Variants in KCNMA1 observed in about 807,000 individuals in gnomAD.
KCNMA1 encodes Calcium-activated potassium channel subunit alpha-1.
In KCNMA1, 29 loss-of-function variants were observed where a neutral mutation model predicts 140.0. That is an observed-to-expected ratio of 0.21 (90% CI 0.15 to 0.28). KCNMA1 has a LOEUF of 0.28. Ranked by LOEUF, KCNMA1 falls within the 10% of genes least tolerant of loss-of-function variation. The probability of loss-of-function intolerance (pLI) is 1.00; values close to 1 mark genes in which losing one functional copy is unlikely to be tolerated. For synonymous variants in KCNMA1, 612 were observed against 611.9 expected, an observed-to-expected ratio of 1.00 and a Z score of 0.00; for missense variants, 880 against 1,602.2, an observed-to-expected ratio of 0.55 and a Z score of 7.70.
chr10:76,913,674 T>C, intron 24 of KCNMA1: 1 of 183,286 alleles, frequency 5.5e-6, no homozygotes, highest in South Asian at 1.7e-4. Context: ...CTAAGAGCTG[T>C]GAAGACATGT....
At chr10:76,906,839 C>T (rs924543627) in intron 25 of KCNMA1, among the ~76,000 whole-genome samples, 10 of 152,104 alleles carry the variant, frequency 6.6e-5, no homozygotes, top group Admixed American at 6.5e-4. Flanking sequence ...AACATTTTAC[C>T]AAAACGTCTG....
chr10:77,572,757 A>G (rs1037130052), intron 1 of KCNMA1, among the ~76,000 whole-genome samples: 2 of 141,930 alleles, frequency 1.4e-5, no homozygotes, highest in Non-Finnish European at 3.1e-5. Context: ...TCTTGTCTCA[A>G]AAAAAAAAAA....
rs539069166 is a variant in KCNMA1 at position 77,118,680 on chromosome 10, T to C, written c.884+2293A>G. Among the ~76,000 whole-genome samples the C allele has an allele frequency of 3.3e-5, 5 of 152,222 alleles. No individual in the cohort carries two copies. In the East Asian group the frequency reaches 5.8e-4, roughly 18 times the overall value. ...CTACAAGGCTTACCTAAAAGTAACC[T>C]TCTCCTCGAAAAGATCCTTGACTGC... is the stretch of plus-strand genomic sequence containing the variant. On this transcript the variant is annotated intron_variant, in intron 6 of 27. Transcript: ENST00000286628.
intron 23 of KCNMA1, among the ~76,000 whole-genome samples, chr10:76,919,656 C>T (rs1488566855): frequency 6.6e-6 from 1 of 152,120 alleles, no homozygotes; most frequent in East Asian, 1.9e-4. Flanking sequence ...GGCACCTCCA[C>T]CTATAAGCCA....
At chr10:76,934,373 C>T (rs1481315046) in intron 23 of KCNMA1, among the ~76,000 whole-genome samples, 1 of 152,128 alleles carries the variant, frequency 6.6e-6, no homozygotes. Flanking sequence ...TGAGCTATTG[C>T]CTATAGAGAA....
At chr10:77,316,852 A>G (rs1408556622) in intron 2 of KCNMA1, among the ~76,000 whole-genome samples, 1 of 152,196 alleles carries the variant, frequency 6.6e-6, no homozygotes, top group East Asian at 1.9e-4. Context: ...AGTTAACCAC[A>G]TAAAGGAAAG....
At chr10:77,099,450 C>G (rs1040248943) in intron 9 of KCNMA1, among the ~76,000 whole-genome samples, 21 of 152,204 alleles carry the variant, frequency 1.4e-4, no homozygotes, top group Non-Finnish European at 2.9e-5. Context: ...ATCTGTTAGT[C>G]ACACAGGGAC....
chr10:77,008,754 TA>T (rs1414813284), intron 18 of KCNMA1, among the ~76,000 whole-genome samples: 1 of 152,186 alleles, frequency 6.6e-6, no homozygotes, highest in African/African-American at 2.4e-5. Context: ...GGTGAATTAT[TA>T]ATACCTGGAC....
chr10:77,086,687 C>T, intron 10 of KCNMA1, 94 bp from the exon 11 acceptor site: 1 of 861,146 alleles, frequency 1.2e-6, no homozygotes, highest in Non-Finnish European at 1.9e-6. Context: ...ACAGGGAGCC[C>T]TGGGGAGAGG....
intron 1 of KCNMA1, among the ~76,000 whole-genome samples, chr10:77,545,975 C>T (rs554213363): frequency 1.3e-5 from 2 of 152,282 alleles, no homozygotes; most frequent in East Asian, 1.9e-4. Context: ...GGCACAGGCA[C>T]GGCTCTTCAC....
intron 2 of KCNMA1, among the ~76,000 whole-genome samples, chr10:77,268,151 C>T (rs1275610758): frequency 1.3e-5 from 2 of 152,318 alleles, no homozygotes; most frequent in African/African-American, 4.8e-5. Flanking sequence ...TACATCCTGA[C>T]ACACTGGCTG....
At chr10:76,986,492 T>C (rs1028504299) in intron 19 of KCNMA1, among the ~76,000 whole-genome samples, 1 of 152,212 alleles carries the variant, frequency 6.6e-6, no homozygotes, top group East Asian at 1.9e-4. Context: ...CTCAGCTGGC[T>C]ACCACTCACT....
chr10:77,083,144 G>A, intron 12 of KCNMA1, among the ~76,000 whole-genome samples: 1 of 152,112 alleles, frequency 6.6e-6, no homozygotes, highest in Admixed American at 6.5e-5. Flanking sequence ...AAAGTTCCTG[G>A]GAATGCAGTG....
intron 5 of KCNMA1, among the ~76,000 whole-genome samples, chr10:77,127,946 C>T (rs921357311): frequency 2.0e-5 from 3 of 151,896 alleles, no homozygotes; most frequent in African/African-American, 7.3e-5. Context: ...TGCACTCCAG[C>T]CTGGGCTACA....
intron 1 of KCNMA1, among the ~76,000 whole-genome samples, chr10:77,445,526 C>G (rs1158769428): frequency 2.0e-5 from 3 of 152,080 alleles, no homozygotes; most frequent in Non-Finnish European, 4.4e-5. Context: ...CTAATTAACC[C>G]TACCTTTGAA....
chr10:77,414,904 A>G (rs2096706266), intron 1 of KCNMA1, among the ~76,000 whole-genome samples: 1 of 152,138 alleles, frequency 6.6e-6, no homozygotes, highest in African/African-American at 2.4e-5. Flanking sequence ...TGAAGGCCAT[A>G]TTTTTTCTCT....
chr10:76,914,162 T>C, intron 24 of KCNMA1: 1 of 1,511,268 alleles, frequency 6.6e-7, no homozygotes, highest in Non-Finnish European at 9.0e-7. Context: ...CATTTAAGGG[T>C]TGGGGAAAGG....
At chr10:76,895,006 C>T (rs370404602) in intron 25 of KCNMA1, among the ~76,000 whole-genome samples, 9 of 152,334 alleles carry the variant, frequency 5.9e-5, no homozygotes, top group East Asian at 5.8e-4. Flanking sequence ...CCCGGTGCCA[C>T]ACCCTGGGCC....
intron 5 of KCNMA1, among the ~76,000 whole-genome samples, chr10:77,138,624 A>G (rs1346121803): frequency 6.6e-6 from 1 of 152,088 alleles, no homozygotes; most frequent in East Asian, 1.9e-4. Flanking sequence ...AATATCCATC[A>G]GATTACATTG....
Sources: allele counts gnomAD v4.1 joint callset (sites outside exome capture counted in the v4.1 genomes callset), GRCh38; gene constraint gnomAD v4.1.1; transcripts MANE v1.5; gene names NCBI Gene and HGNC (gene_info 2026-07-23, HGNC 2026-07-21).